KSR2: variants seen among roughly 807,000 people sequenced by gnomAD.
The protein encoded by KSR2 is kinase suppressor of ras 2.
KSR2 carries 25 observed loss-of-function variants against 107.8 expected under a neutral mutation model. The observed-to-expected ratio is 0.23, with a 90% CI of 0.17 to 0.32. The LOEUF (loss-of-function observed/expected upper bound fraction) is 0.32. Ranked by LOEUF, KSR2 falls within the 10% of genes least tolerant of loss-of-function variation. KSR2 has a pLI of 1.00. For synonymous variants in KSR2, 480 were observed against 507.0 expected (o/e 0.95, Z 0.71); for missense variants, 887 against 1,268.9 (o/e 0.70, Z 4.57).
Position 117,456,508 on chromosome 12 carries a change from G to T in KSR2, c.*10691C>A, listed in dbSNP as rs183870184. ...ACAGGACCAATACATTACATTTGTT[G>T]TCCAGGACGCACTTAAGCTGCCAAT... On this transcript the variant is annotated 3_prime_UTR_variant, in exon 20 of 20. Coordinates refer to ENST00000339824, the MANE Select transcript of KSR2 (RefSeq NM_173598.6). 1 of 152,336 alleles carries T rather than the reference G, an allele frequency of 6.6e-6. No homozygotes were observed. Among genetic ancestry groups the T allele is most frequent in the Admixed American group, 6.5e-5 (1 of 15,308 alleles). The allele number at this position is 152,336 out of a possible 1,614,324, so 9.4% of individuals were successfully genotyped here.
At chr12:117,881,930 C>T (rs2137323525) in intron 1 of KSR2, among the ~76,000 whole-genome samples, 1 of 152,306 alleles carries the variant, frequency 6.6e-6, no homozygotes, top group African/African-American at 2.4e-5. Context: ...GGGCCACACA[C>T]CCAGTACCAA....
intron 5 of KSR2, among the ~76,000 whole-genome samples, chr12:117,600,910 T>G (rs879378370): frequency 2.6e-5 from 4 of 152,144 alleles, no homozygotes; most frequent in Non-Finnish European, 5.9e-5. Context: ...GGGACTCCTA[T>G]GTTCCGGAAA....
chr12:117,928,569 C>T (rs541652325), intron 1 of KSR2, among the ~76,000 whole-genome samples: 14 of 152,136 alleles, frequency 9.2e-5, no homozygotes, highest in Non-Finnish European at 1.6e-4. Flanking sequence ...TGTATCTGCT[C>T]GTGGACACTT....
At chr12:117,500,886 G>A (rs1099693) in intron 14 of KSR2, among the ~76,000 whole-genome samples, 1 of 152,206 alleles carries the variant, frequency 6.6e-6, no homozygotes, top group South Asian at 2.1e-4. Flanking sequence ...AGAAGGCCTC[G>A]AGCGCTGGGC....
intron 4 of KSR2, among the ~76,000 whole-genome samples, chr12:117,752,200 C>T (rs682458): frequency 0.27 from 41,545 of 152,060 alleles, 5,770 homozygotes; most frequent in East Asian, 0.4. Flanking sequence ...ATAATAAACA[C>T]GGCTCTTATC....
At chr12:117,744,458 C>T (rs1888329814) in intron 4 of KSR2, among the ~76,000 whole-genome samples, 1 of 152,098 alleles carries the variant, frequency 6.6e-6, no homozygotes, top group Non-Finnish European at 1.5e-5. Flanking sequence ...TGAGCCTTTT[C>T]TTCCCCAAGA....
At chr12:117,605,662 A>G (rs755431141) in intron 5 of KSR2, among the ~76,000 whole-genome samples, 2 of 152,222 alleles carry the variant, frequency 1.3e-5, no homozygotes, top group Non-Finnish European at 2.9e-5. Flanking sequence ...TATTACAAAG[A>G]TAAATGTACA....
chr12:117,900,114 A>G (rs10850930), intron 1 of KSR2, among the ~76,000 whole-genome samples: 78,525 of 152,048 alleles, frequency 0.52, 22,680 homozygotes, highest in East Asian at 0.88. Context: ...TCTGATCCAC[A>G]GAAACTGTGA....
Position 117,919,850 on chromosome 12 carries a change from C to T in KSR2, c.180+48226G>A, listed in dbSNP as rs960041422. Among the ~76,000 whole-genome samples the T allele has an allele frequency of 5.9e-5, 9 of 152,212 alleles. No homozygotes were observed. The South Asian group carries it at 6.2e-4, about 11-fold the overall frequency. On this transcript the variant is annotated intron_variant, in intron 1 of 19. Transcript: ENST00000339824. ...GAGTAGCAGAGACCTGGAATGAACA[C>T]GTGGCATGAGAAGAAAATAAACTTT... is the stretch of plus-strand genomic sequence containing the variant.
intron 1 of KSR2, among the ~76,000 whole-genome samples, chr12:117,946,420 C>T (rs544786971): frequency 1.3e-5 from 2 of 152,126 alleles, no homozygotes; most frequent in African/African-American, 2.4e-5. Flanking sequence ...GACCCCGTGA[C>T]GTTAAAAGAA....
intron 1 of KSR2, among the ~76,000 whole-genome samples, chr12:117,949,402 C>T (rs1275725502): frequency 6.6e-6 from 1 of 151,810 alleles, no homozygotes; most frequent in Non-Finnish European, 1.5e-5. Flanking sequence ...TAACTCTTGA[C>T]GTTCAACAGT....
chr12:117,512,471 A>C (rs1874086291), intron 14 of KSR2, among the ~76,000 whole-genome samples: 1 of 152,204 alleles, frequency 6.6e-6, no homozygotes, highest in Non-Finnish European at 1.5e-5. Context: ...TGACTGTTAA[A>C]CATTGTTAAA....
In KSR2 at chr12:117,764,738, T is replaced by A. The variant is rs541722003; in HGVS notation, c.473-3214A>T. Among the ~76,000 whole-genome samples the A allele has an allele frequency of 2.6e-5, 4 of 152,272 alleles. No individual in the cohort carries two copies. In the East Asian group the frequency reaches 7.7e-4, roughly 29 times the overall value. ...GGAGTCGGATGACTTGGGCTCCAAA[T>A]CTGACTCCCCACCACTTATGGCTGT... is the stretch of plus-strand genomic sequence containing the variant. On this transcript the variant is annotated intron_variant, in intron 3 of 19. Coordinates refer to ENST00000339824, the MANE Select transcript of KSR2 (RefSeq NM_173598.6).
rs1045088487 is a variant in KSR2 at position 117,648,334 on chromosome 12, A to T, written c.1171+19140T>A. ...AGGAGGAGGTGATCTCCTGTTTGCC[A>T]CAATCTTCACCACCCCCACCATTGT... is the stretch of plus-strand genomic sequence containing the variant. On this transcript the variant is annotated intron_variant, in intron 5 of 19. Transcript: ENST00000339824. 9.9e-5 allele frequency among the ~76,000 whole-genome samples: 15 copies of T among 152,262 alleles called. No homozygotes were observed. In the South Asian group the frequency reaches 1.4e-3, roughly 15 times the overall value.
At chr12:117,861,552 C>T (rs12315854) in intron 1 of KSR2, among the ~76,000 whole-genome samples, 2,414 of 151,334 alleles carry the variant, frequency 0.016, 68 homozygotes, top group African/African-American at 0.056. Context: ...CCACACCCGG[C>T]TAATTTTTTG....
intron 15 of KSR2, 86 bp downstream of exon 15, chr12:117,485,509 C>G: frequency 1.0e-6 from 1 of 982,118 alleles, no homozygotes; most frequent in Non-Finnish European, 1.6e-6. Flanking sequence ...AACCATGAAT[C>G]TTAGGAGCCC....
At chr12:117,807,503 T>G (rs1891050670) in intron 3 of KSR2, among the ~76,000 whole-genome samples, 1 of 152,146 alleles carries the variant, frequency 6.6e-6, no homozygotes, top group Non-Finnish European at 1.5e-5. Flanking sequence ...AAATATCAGC[T>G]CCCATTTTTG....
At chr12:117,608,558 G>A (rs1881417490) in intron 5 of KSR2, among the ~76,000 whole-genome samples, 1 of 152,156 alleles carries the variant, frequency 6.6e-6, no homozygotes, top group African/African-American at 2.4e-5. Flanking sequence ...GGCACCTGAG[G>A]CACAGTGCCT....
intron 19 of KSR2, among the ~76,000 whole-genome samples, 173 bp downstream of exon 19, chr12:117,469,489 C>G (rs1228889222): frequency 6.6e-6 from 1 of 152,070 alleles, no homozygotes; most frequent in Non-Finnish European, 1.5e-5. Flanking sequence ...CACCCAAACC[C>G]CAAAACAGAC....
Sources: gnomAD v4.1 joint callset for allele counts (sites outside exome capture counted in the v4.1 genomes callset) on GRCh38, gnomAD v4.1.1 for gene constraint, MANE v1.5 for transcripts, NCBI Gene and HGNC (gene_info 2026-07-23, HGNC 2026-07-21) for gene names.